PRDM5: variants seen among roughly 807,000 people sequenced by gnomAD.
The protein encoded by PRDM5 is PR domain zinc finger protein 5.
A neutral mutation model predicts 81.2 loss-of-function variants in PRDM5; 56 were observed. That is an observed-to-expected ratio of 0.69 (90% confidence interval 0.56 to 0.86). The LOEUF is 0.86. PRDM5 is among the 40% of genes least tolerant of loss of function. The pLI is 0.00. For synonymous variants in PRDM5, 267 were observed against 256.4 expected (o/e 1.04, Z -0.39); for missense variants, 697 against 770.1 (o/e 0.91, Z 1.12).
At chr4:120,791,230 T>A (rs770320362) in intron 10 of PRDM5, among the ~76,000 whole-genome samples, 1 of 152,176 alleles carries the variant, frequency 6.6e-6, no homozygotes, top group Non-Finnish European at 1.5e-5. Flanking sequence ...TAAAGTTTTA[T>A]ATAAAAGGAT....
chr4:120,842,100 A>G (rs1758104975), intron 3 of PRDM5, among the ~76,000 whole-genome samples: 1 of 152,198 alleles, frequency 6.6e-6, no homozygotes, highest in African/African-American at 2.4e-5. Flanking sequence ...TTGTTAATCA[A>G]CAGAGTATCT....
chr4:120,808,483 A>G (rs1753328432), intron 8 of PRDM5, among the ~76,000 whole-genome samples: 1 of 152,156 alleles, frequency 6.6e-6, no homozygotes, highest in Admixed American at 6.5e-5. Flanking sequence ...GTGTATTTAC[A>G]ATCCCTTAGC....
intron 13 of PRDM5, among the ~76,000 whole-genome samples, chr4:120,760,797 G>C (rs1279932351): frequency 6.6e-6 from 1 of 151,694 alleles, no homozygotes. Flanking sequence ...CCTGGGCTTT[G>C]AGAATGCAGT....
At chr4:120,750,403 A>G (rs1220592938) in intron 14 of PRDM5, among the ~76,000 whole-genome samples, 2 of 152,140 alleles carry the variant, frequency 1.3e-5, no homozygotes, top group Non-Finnish European at 2.9e-5. Context: ...AGAGAGAAAC[A>G]TGTTCTGTGG....
rs72921595 is a variant in PRDM5 at position 120,848,129 on chromosome 4, G to A, written c.300+5289C>T. Among the ~76,000 whole-genome samples, 302 of 152,256 alleles carry A rather than the reference G, an allele frequency of 2.0e-3. 1 individual carries two copies. The highest frequency in any genetic ancestry group is 7.0e-3 in the African/African-American group (289 of 41,546). On this transcript the variant is annotated intron_variant, in intron 3 of 15. Transcript: ENST00000264808. ...AAGAAACAAGAATAGATGTTGCCTA[G>A]GCATGATCTGTATATGAAGAAGAAG...
At chr4:120,797,556 C>A (rs934794753) in intron 10 of PRDM5, among the ~76,000 whole-genome samples, 3 of 151,882 alleles carry the variant, frequency 2.0e-5, no homozygotes, top group Admixed American at 6.6e-5. Flanking sequence ...ATAAAGGGAC[C>A]AATACTGAAT....
At chr4:120,861,792 G>A (rs776467388) in intron 2 of PRDM5, among the ~76,000 whole-genome samples, 30 of 149,212 alleles carry the variant, frequency 2.0e-4, no homozygotes, top group Non-Finnish European at 3.6e-4. Flanking sequence ...GCAAGACTCC[G>A]TCTCAAAAAA....
intron 3 of PRDM5, among the ~76,000 whole-genome samples, chr4:120,825,226 T>C (rs1002343415): frequency 6.6e-6 from 1 of 152,128 alleles, no homozygotes; most frequent in Non-Finnish European, 1.5e-5. Context: ...AGATTAAAGA[T>C]GGTAATATTT....
At position 120,776,629 on chromosome 4, in the gene PRDM5, T is replaced by C. The variant is rs1315256670; in HGVS notation, c.1537+559A>G. ...GAATCCAGACAAGGTTTTTGAAGTA[T>C]ATTTAGTTGTTCATTCACCCTTCAC... On this transcript the variant is annotated intron_variant, in intron 13 of 15. Coordinates refer to ENST00000264808, the MANE Select transcript of PRDM5 (RefSeq NM_018699.4). Among the ~76,000 whole-genome samples, 3 of 152,222 alleles carry C rather than the reference T, an allele frequency of 2.0e-5. No homozygotes were observed. In the East Asian group the frequency reaches 5.8e-4, roughly 29 times the overall value.
intron 13 of PRDM5, among the ~76,000 whole-genome samples, chr4:120,770,045 T>G (rs1189120703): frequency 6.6e-6 from 1 of 151,870 alleles, no homozygotes; most frequent in African/African-American, 2.4e-5. Flanking sequence ...TGTTTGTTTA[T>G]TTTTTGAGGT....
intron 15 of PRDM5, among the ~76,000 whole-genome samples, chr4:120,701,904 A>AG (rs1735433648): frequency 6.6e-6 from 1 of 152,156 alleles, no homozygotes; most frequent in Non-Finnish European, 1.5e-5. Flanking sequence ...GCTGCAATAT[A>AG]CATCTCTTCA....
rs1054837031 is a variant in PRDM5, at chr4:120,917,695, A to G, written c.93+4821T>C. Reference sequence around the variant, plus strand: ...GTCAGACATTAAAAAAAAAAAAAAAACAGAGCCAAGGTAGATACAGGAATT... The same window carrying G: ...GTCAGACATTAAAAAAAAAAAAAAAGCAGAGCCAAGGTAGATACAGGAATT... On this transcript the variant is annotated intron_variant, in intron 1 of 15. Transcript: ENST00000264808. 3.9e-3 allele frequency among the ~76,000 whole-genome samples: 566 copies of G among 146,184 alleles called. 3 individuals are homozygous for G. The highest frequency in any genetic ancestry group is 8.7e-3 in the Admixed American group (126 of 14,524).
chr4:120,787,811 G>A (rs570719776), intron 10 of PRDM5, among the ~76,000 whole-genome samples: 8 of 152,222 alleles, frequency 5.3e-5, no homozygotes, highest in African/African-American at 7.2e-5. Context: ...TAAATATTAC[G>A]AGATGTCTAG....
chr4:120,909,197 A>G (rs1455330780), intron 1 of PRDM5, among the ~76,000 whole-genome samples: 1 of 152,184 alleles, frequency 6.6e-6, no homozygotes, highest in Non-Finnish European at 1.5e-5. Context: ...GTTTATTCTG[A>G]GTGGAGTGCT....
At chr4:120,907,425 TG>T (rs746480703) in intron 2 of PRDM5, 48 bp downstream of exon 2, 13 of 1,412,158 alleles carry the variant, frequency 9.2e-6, no homozygotes, top group Non-Finnish European at 1.3e-5. Flanking sequence ...ATGCATTAAA[TG>T]GTACAATACA....
intron 8 of PRDM5, among the ~76,000 whole-genome samples, chr4:120,809,442 AT>A (rs1412122629): frequency 6.6e-6 from 1 of 152,190 alleles, no homozygotes. Context: ...AAAAGATCAT[AT>A]TTAAAGTGAA....
chr4:120,808,147 C>T (rs566230554), intron 8 of PRDM5, among the ~76,000 whole-genome samples: 4 of 152,118 alleles, frequency 2.6e-5, no homozygotes, highest in East Asian at 1.9e-4. Flanking sequence ...GGGACCTGAG[C>T]GGGTTGCCAC....
chr4:120,736,427 A>C (rs970080332), intron 14 of PRDM5, among the ~76,000 whole-genome samples: 20 of 152,292 alleles, frequency 1.3e-4, no homozygotes, highest in African/African-American at 4.8e-4. Flanking sequence ...ATGATTGATG[A>C]TGCTGGTAGT....
intron 2 of PRDM5, among the ~76,000 whole-genome samples, chr4:120,898,091 C>T (rs888228933): frequency 6.6e-6 from 1 of 152,164 alleles, no homozygotes; most frequent in Admixed American, 6.5e-5. Flanking sequence ...TGTTTTCTAT[C>T]AGGCAGAGCA....
Sources: allele counts gnomAD v4.1 joint callset (sites outside exome capture counted in the v4.1 genomes callset), GRCh38; gene constraint gnomAD v4.1.1; transcripts MANE v1.5; gene names NCBI Gene and HGNC (gene_info 2026-07-23, HGNC 2026-07-21).